Variants in NAV2 observed in about 807,000 individuals in gnomAD.
NAV2 encodes helicase, APC down-regulated 1.
Under a neutral mutation model 223.2 loss-of-function variants are expected in NAV2, and 54 were observed. That is an observed-to-expected ratio of 0.24 (90% CI 0.19 to 0.30). The LOEUF is 0.30. NAV2 is among the 10% of genes least tolerant of loss of function. NAV2 has a pLI of 1.00. For missense variants in NAV2, 2,806 were observed against 3,147.5 expected, an observed-to-expected ratio of 0.89 and a Z score of 2.60; for synonymous variants, 1,279 against 1,239.3, an observed-to-expected ratio of 1.03 and a Z score of -0.67.
At chr11:19,663,798 A>G (rs1335196732) in intron 1 of NAV2, among the ~76,000 whole-genome samples, 3 of 152,202 alleles carry the variant, frequency 2.0e-5, no homozygotes, top group Admixed American at 2.0e-4. Flanking sequence ...CTGCAGAAAG[A>G]ACAAAAGAGC....
In NAV2 at chr11:19,416,391, A is replaced by G. The variant is rs1473477414; in HGVS notation, c.75+65364A>G. ...TACCTAGGAATAAAACTTACAAGGTATGTGAAGGACCTCTTCAAGGAGAAC... is the reference window on the plus strand; with the variant it reads ...TACCTAGGAATAAAACTTACAAGGTGTGTGAAGGACCTCTTCAAGGAGAAC... On this transcript the variant is annotated intron_variant, in intron 1 of 37. Coordinates refer to the NAV2 transcript ENST00000360655. Among the ~76,000 whole-genome samples the G allele has an allele frequency of 2.0e-5, 3 of 152,240 alleles. No homozygotes were observed. In the East Asian group the frequency reaches 5.8e-4, roughly 29 times the overall value.
chr11:20,092,809 T>C (rs1189227634), intron 28 of NAV2, among the ~76,000 whole-genome samples: 2 of 152,154 alleles, frequency 1.3e-5, no homozygotes, highest in African/African-American at 2.4e-5. Context: ...TTAAGGCTGA[T>C]GCTTTTATTT....
intron 1 of NAV2, among the ~76,000 whole-genome samples, chr11:19,619,433 C>A (rs2046914874): frequency 6.6e-6 from 1 of 152,134 alleles, no homozygotes; most frequent in Admixed American, 6.5e-5. Context: ...TGTTTCCTGA[C>A]TTTTTGATGA....
intron 1 of NAV2, among the ~76,000 whole-genome samples, chr11:19,441,748 A>T (rs868653153): frequency 6.6e-6 from 1 of 152,044 alleles, no homozygotes; most frequent in African/African-American, 2.4e-5. Flanking sequence ...AATTTATCGG[A>T]GCCCATTTTC....
rs566087221 is a variant in NAV2 at position 19,702,826 on chromosome 11, A to ATAATAT, written c.76-129658_76-129657insTAATAT. ...AATAGTAATAATAATAATAATAATA[A>ATAATAT]GTCCCTTGAATAAATAAAAGGTTAA... On this transcript the variant is annotated intron_variant, in intron 1 of 37. Coordinates refer to the NAV2 transcript ENST00000360655. Among the ~76,000 whole-genome samples the ATAATAT allele has an allele frequency of 8.8e-4, 130 of 147,128 alleles. 4 individuals carry two copies. Among genetic ancestry groups the ATAATAT allele is most frequent in the Middle Eastern group, 3.6e-3 (1 of 278 alleles).
At chr11:19,358,417 T>C (rs1328309359) in intron 1 of NAV2, among the ~76,000 whole-genome samples, 2 of 152,154 alleles carry the variant, frequency 1.3e-5, no homozygotes, top group African/African-American at 4.8e-5. Flanking sequence ...GCCAGAGCCA[T>C]GTAACTGCAT....
At chr11:19,486,789 G>A (rs560884221) in intron 1 of NAV2, among the ~76,000 whole-genome samples, 3 of 152,268 alleles carry the variant, frequency 2.0e-5, no homozygotes, top group Admixed American at 6.5e-5. Flanking sequence ...CTCAGCTCAG[G>A]CATCATCTTC....
At chr11:19,382,365 G>T (rs550516975) in intron 1 of NAV2, among the ~76,000 whole-genome samples, 10 of 152,338 alleles carry the variant, frequency 6.6e-5, no homozygotes, top group Non-Finnish European at 1.5e-4. Context: ...ATTGTTGCCA[G>T]TGACCTTCGA....
chr11:19,444,712 TTTA>T (rs35440777), intron 1 of NAV2, among the ~76,000 whole-genome samples: 99,869 of 149,750 alleles, frequency 0.67, 33,684 homozygotes, highest in East Asian at 0.82. Context: ...CTGTTGTTCC[TTTA>T]TTATTATTAT....
At chr11:19,868,689 A>G (rs994478052) in intron 3 of NAV2, among the ~76,000 whole-genome samples, 20 of 151,846 alleles carry the variant, frequency 1.3e-4, no homozygotes, top group Admixed American at 1.0e-3. Context: ...CTCCCATTCC[A>G]CCCTGGTTAT....
chr11:19,433,010 T>G (rs978048714), intron 1 of NAV2, among the ~76,000 whole-genome samples: 1 of 152,176 alleles, frequency 6.6e-6, no homozygotes, highest in Non-Finnish European at 1.5e-5. Context: ...CTCCTGTCAC[T>G]TCAGTTTTCA....
At chr11:19,869,455 A>G (rs2062325183) in intron 4 of NAV2, among the ~76,000 whole-genome samples, 1 of 152,240 alleles carries the variant, frequency 6.6e-6, no homozygotes, top group Non-Finnish European at 1.5e-5. Context: ...CATGTGATTT[A>G]TTAATGCAAT....
At chr11:19,737,335 C>T (rs1298217688) in intron 1 of NAV2, among the ~76,000 whole-genome samples, 1 of 152,188 alleles carries the variant, frequency 6.6e-6, no homozygotes, top group African/African-American at 2.4e-5. Flanking sequence ...AGTTACAGTG[C>T]TATGCATCGT....
At chr11:19,369,461 T>C (rs1197711011) in intron 1 of NAV2, among the ~76,000 whole-genome samples, 1 of 152,184 alleles carries the variant, frequency 6.6e-6, no homozygotes, top group African/African-American at 2.4e-5. Context: ...AGTTATCACT[T>C]AATGTGATTT....
intron 1 of NAV2, among the ~76,000 whole-genome samples, chr11:19,687,128 A>G (rs1239898495): frequency 6.6e-6 from 1 of 152,200 alleles, no homozygotes; most frequent in East Asian, 1.9e-4. Context: ...GAGGCTCAGA[A>G]GGTCAGTATG....
chr11:19,365,451 G>A (rs891977592), intron 1 of NAV2, among the ~76,000 whole-genome samples: 2 of 152,186 alleles, frequency 1.3e-5, no homozygotes, highest in Non-Finnish European at 1.5e-5. Flanking sequence ...ACTTCACCTC[G>A]GTGTTCCTCA....
chr11:19,986,704 G>C lies in NAV2; in HGVS notation c.2768+2457G>C, dbSNP rs74953586. On this transcript the variant is annotated intron_variant, in intron 11 of 37. Coordinates refer to ENST00000349880, the MANE Select transcript of NAV2 (RefSeq NM_145117.5). ...CTCAGATGGCTTTTTAAAGACATAGGATTTGCAAAAGACTACAAATTTACC... is the reference window on the plus strand; with the variant it reads ...CTCAGATGGCTTTTTAAAGACATAGCATTTGCAAAAGACTACAAATTTACC... Among the ~76,000 whole-genome samples, 275 of 152,286 alleles carry C rather than the reference G, an allele frequency of 1.8e-3. 1 individual carries two copies. Among genetic ancestry groups the C allele is most frequent in the Non-Finnish European group, 3.1e-3 (209 of 68,022 alleles).
At chr11:19,806,305 T>C (rs559438432) in intron 1 of NAV2, among the ~76,000 whole-genome samples, 1 of 152,364 alleles carries the variant, frequency 6.6e-6, no homozygotes, top group African/African-American at 2.4e-5. Flanking sequence ...GGATATTACA[T>C]TGTAAGTGAT....
chr11:20,080,503 G>A (rs1318815191), intron 25 of NAV2, among the ~76,000 whole-genome samples: 2 of 152,016 alleles, frequency 1.3e-5, no homozygotes, highest in East Asian at 1.9e-4. Flanking sequence ...CTCATTATAT[G>A]TTGGCCACAA....
Sources: gnomAD v4.1 joint callset for allele counts (sites outside exome capture counted in the v4.1 genomes callset) on GRCh38, gnomAD v4.1.1 for gene constraint, MANE v1.5 for transcripts, NCBI Gene and HGNC (gene_info 2026-07-23, HGNC 2026-07-21) for gene names.